Variants in SMOC1 observed in about 807,000 individuals in gnomAD.
The protein encoded by SMOC1 is SPARC-related modular calcium-binding protein 1.
SMOC1 carries 22 observed loss-of-function variants against 56.3 expected under a neutral mutation model. That is an observed-to-expected ratio of 0.39 (90% CI 0.28 to 0.56). The LOEUF (loss-of-function observed/expected upper bound fraction) is 0.56, where lower values mean the gene tolerates loss of function less well. Ranked by LOEUF, SMOC1 falls within the 20% of genes least tolerant of loss-of-function variation. The probability of loss-of-function intolerance (pLI) is 0.61; values close to 1 mark genes in which losing one functional copy is unlikely to be tolerated. For missense variants in SMOC1, 509 were observed against 565.4 expected (o/e 0.90, Z 1.01); for synonymous variants, 193 against 215.0 (o/e 0.90, Z 0.89).
chr14:69,926,626 C>G (rs962594259), intron 1 of SMOC1, among the ~76,000 whole-genome samples: 3 of 152,180 alleles, frequency 2.0e-5, no homozygotes, highest in Admixed American at 6.5e-5. Context: ...TGTCCTGTGG[C>G]CAGCTCCTCT....
intron 1 of SMOC1, among the ~76,000 whole-genome samples, chr14:69,931,151 C>T (rs1046695345): frequency 2.0e-5 from 3 of 152,230 alleles, no homozygotes; most frequent in African/African-American, 7.2e-5. Context: ...TTGAGGGAGC[C>T]ATCCCACCTT....
At chr14:69,939,418 C>T (rs200208269) in intron 1 of SMOC1, among the ~76,000 whole-genome samples, 1 of 152,228 alleles carries the variant, frequency 6.6e-6, no homozygotes, top group African/African-American at 2.4e-5. Flanking sequence ...CATCGGGTCC[C>T]TCCTACCACA....
intron 1 of SMOC1, among the ~76,000 whole-genome samples, chr14:69,947,539 T>A (rs1882831201): frequency 6.6e-6 from 1 of 152,192 alleles, no homozygotes; most frequent in Admixed American, 6.5e-5. Context: ...CAGAAATTAT[T>A]CTCCAGATCA....
In SMOC1 at chr14:70,030,258, A is replaced by T. The variant is rs751567810; in HGVS notation, c.1308A>T (p.Ter436TyrextTer36). 3.7e-5 allele frequency: 60 copies of T among 1,611,704 alleles called. No individual in the cohort carries two copies. The highest frequency in any genetic ancestry group is 4.9e-5 in the Non-Finnish European group (58 of 1,179,714). Residue 436 changes from the stop codon to tyrosine, a stop_lost, in exon 12 of 12, where the codon TAA becomes TAT. Transcript: ENST00000361956. ...GVSKEVGRLV[*>Y] The stretch of plus-strand genomic sequence containing the variant: ...TTCTCTCAGTAGGACGCCTCGTCTA[A>T]GGAGCAGAAAACCCAAGGGCAGGTG...
intron 1 of SMOC1, among the ~76,000 whole-genome samples, chr14:69,929,082 T>A (rs1885094723): frequency 6.6e-6 from 1 of 152,148 alleles, no homozygotes; most frequent in South Asian, 2.1e-4. Context: ...GCAAGCTGCA[T>A]AGGAAGAGAC....
At chr14:69,976,459 T>A (rs1310359287) in intron 4 of SMOC1, among the ~76,000 whole-genome samples, 4 of 152,218 alleles carry the variant, frequency 2.6e-5, no homozygotes, top group Non-Finnish European at 5.9e-5. Flanking sequence ...CTCAGGTGAT[T>A]CTGATGATTA....
At chr14:69,991,343 A>C (rs773119429) in intron 5 of SMOC1, among the ~76,000 whole-genome samples, 3 of 152,186 alleles carry the variant, frequency 2.0e-5, no homozygotes, top group Non-Finnish European at 4.4e-5. Flanking sequence ...AAGGGGGTAA[A>C]ATTATTTCTT....
intron 1 of SMOC1, among the ~76,000 whole-genome samples, chr14:69,924,692 G>A (rs1374658171): frequency 7.7e-6 from 1 of 130,576 alleles, no homozygotes; most frequent in Non-Finnish European, 1.6e-5. Flanking sequence ...GAGAGGGGAG[G>A]TAAGGGAGCT....
intron 3 of SMOC1, among the ~76,000 whole-genome samples, chr14:69,968,592 A>G (rs1883652939): frequency 6.6e-6 from 1 of 152,218 alleles, no homozygotes; most frequent in Non-Finnish European, 1.5e-5. Flanking sequence ...AGTAGGACCA[A>G]CAGCAAGATG....
chr14:69,967,714 G>A (rs192491410), intron 3 of SMOC1, among the ~76,000 whole-genome samples: 1 of 152,332 alleles, frequency 6.6e-6, no homozygotes, highest in Admixed American at 6.5e-5. Flanking sequence ...GTGGTACCAT[G>A]AATCCTGTTT....
intron 9 of SMOC1, 149 bp downstream of exon 9, chr14:70,011,716 T>G (rs1419783112): frequency 2.7e-6 from 2 of 751,800 alleles, no homozygotes; most frequent in Non-Finnish European, 4.7e-6. Context: ...GGTCTGGGAT[T>G]TATCCCTAAT....
intron 1 of SMOC1, among the ~76,000 whole-genome samples, chr14:69,906,203 C>T (rs1384182558): frequency 6.6e-6 from 1 of 152,184 alleles, no homozygotes; most frequent in Non-Finnish European, 1.5e-5. Flanking sequence ...GTGTTCCTTT[C>T]CCACAATCTG....
chr14:69,909,639 G>A (rs1884503532), intron 1 of SMOC1, among the ~76,000 whole-genome samples: 1 of 152,202 alleles, frequency 6.6e-6, no homozygotes, highest in South Asian at 2.1e-4. Flanking sequence ...TTTTTGTAAA[G>A]AGCTATTTTC....
At chr14:69,924,711 TAGGAGAGGTAGGGGAGG>T in intron 1 of SMOC1, among the ~76,000 whole-genome samples, 1 of 67,592 alleles carries the variant, frequency 1.5e-5, no homozygotes, top group Non-Finnish European at 2.8e-5. Flanking sequence ...CTAGGGGAGG[TAGGAGAGGTAGGGGAGG>T]AGGAGAGGTA....
intron 1 of SMOC1, among the ~76,000 whole-genome samples, chr14:69,880,657 A>G (rs1883612876): frequency 6.6e-6 from 1 of 152,202 alleles, no homozygotes. Flanking sequence ...CTTTTGACCA[A>G]ACTTAATCCA....
At position 70,007,033 on chromosome 14, in the gene SMOC1, A is replaced by T. The variant is rs74061020; in HGVS notation, c.665-3721A>T. On this transcript the variant is annotated intron_variant, in intron 7 of 11. Transcript: ENST00000361956. ...CACGGGGAGGCACAGTTCATTGGGG[A>T]CTGTTTTGTAATGAGATGACCTATA... Among the ~76,000 whole-genome samples, 520 of 152,304 alleles carry T rather than the reference A, an allele frequency of 3.4e-3. 1 individual carries two copies. Among genetic ancestry groups the T allele is most frequent in the Middle Eastern group, 0.01 (3 of 294 alleles).
chr14:69,944,581 A>AT (rs908599843), intron 1 of SMOC1, among the ~76,000 whole-genome samples: 13 of 151,856 alleles, frequency 8.6e-5, no homozygotes, highest in Admixed American at 2.6e-4. Flanking sequence ...CTTATAACTG[A>AT]TTTTTTTTTC....
At chr14:69,886,086 C>T (rs560631339) in intron 1 of SMOC1, 54 of 1,575,900 alleles carry the variant, frequency 3.4e-5, no homozygotes, top group East Asian at 4.5e-5. Context: ...TGCTTCTTCA[C>T]GACAGCTGGG....
chr14:70,007,490 G>A (rs8012912), intron 7 of SMOC1, among the ~76,000 whole-genome samples: 67,230 of 152,114 alleles, frequency 0.44, 15,102 homozygotes, highest in Admixed American at 0.5. Context: ...TGGTCAGAAG[G>A]AGCTGTGCTG....
Sources: allele counts gnomAD v4.1 joint callset (sites outside exome capture counted in the v4.1 genomes callset), GRCh38; gene constraint gnomAD v4.1.1; transcripts MANE v1.5; gene names NCBI Gene and HGNC (gene_info 2026-07-23, HGNC 2026-07-21).